PRKN: variants seen among roughly 807,000 people sequenced by gnomAD.
PRKN encodes E3 ubiquitin-protein ligase parkin.
PRKN carries 56 observed loss-of-function variants against 59.5 expected under a neutral mutation model. That is an observed-to-expected ratio of 0.94 (90% confidence interval 0.76 to 1.18). PRKN has a LOEUF of 1.18. Among genes scored for constraint, PRKN ranks in the 50% most tolerant of loss-of-function variants. The pLI is 0.00. For synonymous variants in PRKN, 250 were observed against 222.1 expected (o/e 1.13, Z -1.12); for missense variants, 657 against 596.4 (o/e 1.10, Z -1.06).
chr6:162,013,594 A>T (rs574561268), intron 5 of PRKN, among the ~76,000 whole-genome samples: 1 of 152,320 alleles, frequency 6.6e-6, no homozygotes, highest in African/African-American at 2.4e-5. Context: ...CCCCAAGTGC[A>T]TAGTGATAAC....
At chr6:162,075,341 C>T (rs191687063) in intron 4 of PRKN, among the ~76,000 whole-genome samples, 1 of 151,984 alleles carries the variant, frequency 6.6e-6, no homozygotes, top group Non-Finnish European at 1.5e-5. Flanking sequence ...TGCTCAGATA[C>T]CATCATCATC....
intron 1 of PRKN, among the ~76,000 whole-genome samples, chr6:162,556,517 G>C (rs1260298457): frequency 6.6e-6 from 1 of 151,688 alleles, no homozygotes; most frequent in African/African-American, 2.4e-5. Flanking sequence ...GGGAGGCCGA[G>C]GCGGGGGGAT....
intron 5 of PRKN, among the ~76,000 whole-genome samples, chr6:161,984,023 T>G (rs913483913): frequency 5.9e-5 from 9 of 152,052 alleles, no homozygotes; most frequent in African/African-American, 2.2e-4. Flanking sequence ...TCCAATAAGC[T>G]CAGATGGCTG....
At chr6:162,356,385 GAAATGACTA>G (rs1784855771) in intron 2 of PRKN, among the ~76,000 whole-genome samples, 1 of 151,774 alleles carries the variant, frequency 6.6e-6, no homozygotes, top group Non-Finnish European at 1.5e-5. Flanking sequence ...TTCAGGACAA[GAAATGACTA>G]CAGTGTTCCA....
chr6:162,262,698 A>G lies in PRKN; in HGVS notation c.239T>C (p.Met80Thr). 1 of 1,607,798 alleles carries G rather than the reference A, an allele frequency of 6.2e-7. No individual in the cohort carries two copies. Among genetic ancestry groups the G allele is most frequent in the Non-Finnish European group, 8.5e-7 (1 of 1,179,374 alleles). ...VQRPWRKGQE[M>T]NATGGDDPRN... ...GGGGTCGTCGCCTCCAGTTGCATTC[A>G]TTTCTTGACCTTTTCTCCACGGTCT... Residue 80 changes from methionine (M) to threonine (T), a missense_variant, in exon 3 of 12, where the codon ATG becomes ACG. Coordinates refer to ENST00000366898, the MANE Select transcript of PRKN (RefSeq NM_004562.3).
At chr6:161,777,746 TA>T (rs2128204751) in intron 7 of PRKN, among the ~76,000 whole-genome samples, 1 of 139,036 alleles carries the variant, frequency 7.2e-6, no homozygotes, top group East Asian at 2.1e-4. Context: ...TATGTATATA[TA>T]GATATATATG....
intron 2 of PRKN, among the ~76,000 whole-genome samples, chr6:162,362,285 A>T (rs1224160421): frequency 6.6e-6 from 1 of 152,192 alleles, no homozygotes; most frequent in African/African-American, 2.4e-5. Context: ...ACCATGTAAA[A>T]TATATGTTTT....
chr6:162,608,485 G>A (rs1428211509), intron 1 of PRKN, among the ~76,000 whole-genome samples: 1 of 152,174 alleles, frequency 6.6e-6, no homozygotes, highest in Non-Finnish European at 1.5e-5. Flanking sequence ...CAAACAAGGT[G>A]TCAACTCTTC....
At chr6:161,982,778 G>A (rs1384320424) in intron 5 of PRKN, among the ~76,000 whole-genome samples, 2 of 44,684 alleles carry the variant, frequency 4.5e-5, no homozygotes, top group African/African-American at 2.1e-4. Context: ...AGATTTAAAC[G>A]TTAAACCTAA....
intron 5 of PRKN, among the ~76,000 whole-genome samples, chr6:162,004,297 C>A (rs1267879176): frequency 1.3e-5 from 2 of 152,160 alleles, no homozygotes; most frequent in African/African-American, 4.8e-5. Context: ...GTGTGAGACA[C>A]CTCACTTTCC....
chr6:162,061,728 T>G (rs530984831), intron 4 of PRKN, among the ~76,000 whole-genome samples: 218 of 152,294 alleles, frequency 1.4e-3, no homozygotes, highest in Non-Finnish European at 2.4e-3. Flanking sequence ...CGAAAAAAAT[T>G]CGTTAAACCA....
At chr6:162,574,538 C>T (rs1780480394) in intron 1 of PRKN, among the ~76,000 whole-genome samples, 1 of 152,094 alleles carries the variant, frequency 6.6e-6, no homozygotes, top group African/African-American at 2.4e-5. Context: ...AATATTTCGT[C>T]ACTAGAAGCA....
intron 7 of PRKN, among the ~76,000 whole-genome samples, chr6:161,673,935 C>T (rs987937318): frequency 1.3e-5 from 2 of 152,076 alleles, no homozygotes; most frequent in African/African-American, 2.4e-5. Flanking sequence ...GCAGGAGACA[C>T]CATTAGGAAC....
chr6:162,567,508 A>T (rs982246135), intron 1 of PRKN, among the ~76,000 whole-genome samples: 5 of 152,202 alleles, frequency 3.3e-5, no homozygotes, highest in African/African-American at 1.2e-4. Context: ...AGAAATTTTT[A>T]AAAATTCCAT....
intron 6 of PRKN, among the ~76,000 whole-genome samples, chr6:161,899,574 G>T (rs1777804870): frequency 6.6e-6 from 1 of 152,142 alleles, no homozygotes; most frequent in Non-Finnish European, 1.5e-5. Flanking sequence ...ATTTGCTACG[G>T]TAGCACATCC....
intron 9 of PRKN, among the ~76,000 whole-genome samples, chr6:161,387,589 AC>A (rs1786316742): frequency 6.6e-6 from 1 of 152,222 alleles, no homozygotes; most frequent in South Asian, 2.1e-4. Context: ...TAAGGAAAAA[AC>A]TTCATTCAAG....
chr6:162,223,398 T>C (rs901402520), intron 3 of PRKN, among the ~76,000 whole-genome samples: 1 of 151,996 alleles, frequency 6.6e-6, no homozygotes, highest in Non-Finnish European at 1.5e-5. Context: ...AGGCAGTTAA[T>C]CATAATAATA....
chr6:161,946,414 A>ACACACACACACACACACACACCCTCTCT (rs1247187053), intron 6 of PRKN, among the ~76,000 whole-genome samples: 1 of 114,376 alleles, frequency 8.7e-6, no homozygotes, highest in Non-Finnish European at 1.7e-5. Flanking sequence ...ACACACACAC[A>ACACACACACACACACACACACCCTCTCT]CTCTCTCTCT....
intron 5 of PRKN, among the ~76,000 whole-genome samples, chr6:162,040,170 C>G (rs753786626): frequency 1.3e-5 from 2 of 152,122 alleles, no homozygotes; most frequent in African/African-American, 4.8e-5. Flanking sequence ...CCATCTCTCT[C>G]CATTTCCATG....
Sources: gnomAD v4.1 joint callset for allele counts (sites outside exome capture counted in the v4.1 genomes callset) on GRCh38, gnomAD v4.1.1 for gene constraint, MANE v1.5 for transcripts, NCBI Gene and HGNC (gene_info 2026-07-23, HGNC 2026-07-21) for gene names.